RAPGEF1: variants seen among roughly 807,000 people sequenced by gnomAD.
RAPGEF1 encodes the protein CRK SH3-binding GNRP.
RAPGEF1 carries 33 observed loss-of-function variants against 143.3 expected under a neutral mutation model. That is an observed-to-expected ratio of 0.23 (90% CI 0.17 to 0.31). RAPGEF1 has a LOEUF of 0.31. RAPGEF1 is among the 10% of genes least tolerant of loss of function. The pLI is 1.00. For synonymous variants in RAPGEF1, 629 were observed against 676.5 expected, an observed-to-expected ratio of 0.93 and a Z score of 1.09; for missense variants, 1,199 against 1,645.4, an observed-to-expected ratio of 0.73 and a Z score of 4.69.
intron 16 of RAPGEF1, among the ~76,000 whole-genome samples, chr9:131,596,856 G>A (rs1292364477): frequency 2.0e-5 from 3 of 152,180 alleles, no homozygotes; most frequent in South Asian, 2.1e-4. Context: ...ATCTAAATCC[G>A]TCTCCCCAGG....
At chr9:131,630,726 G>C (rs1410933848) in intron 5 of RAPGEF1, among the ~76,000 whole-genome samples, 1 of 152,192 alleles carries the variant, frequency 6.6e-6, no homozygotes. Flanking sequence ...TGGCATGGGT[G>C]GTTTCCCAAG....
In RAPGEF1 at chr9:131,583,932, A is replaced by T. The variant is rs1952275142; in HGVS notation, c.3414+379T>A. On this transcript the variant is annotated intron_variant, in intron 24 of 26. Transcript: ENST00000683357. The surrounding 1 kb of genome is among the most constrained non-coding windows in gnomAD (Gnocchi z 4.7). Reference sequence around the variant, plus strand: ...GTGCTTATCTAGCAGAAACTCACCCAACATCATGTTGGGCTGTTCACAGTG... The same window carrying T: ...GTGCTTATCTAGCAGAAACTCACCCTACATCATGTTGGGCTGTTCACAGTG... Among the ~76,000 whole-genome samples, 1 of 152,162 alleles carries T rather than the reference A, an allele frequency of 6.6e-6. No homozygotes were observed. Among genetic ancestry groups the T allele is most frequent in the African/African-American group, 2.4e-5 (1 of 41,442 alleles).
At chr9:131,723,675 C>T (rs73544930) in intron 1 of RAPGEF1, among the ~76,000 whole-genome samples, 3,711 of 152,266 alleles carry the variant, frequency 0.024, 164 homozygotes, top group African/African-American at 0.084. Flanking sequence ...TCCATTCACC[C>T]ATCAGTGGAC....
chr9:131,622,689 C>A (rs1961533114), intron 10 of RAPGEF1, among the ~76,000 whole-genome samples: 1 of 152,004 alleles, frequency 6.6e-6, no homozygotes, highest in Non-Finnish European at 1.5e-5. Context: ...AAAAGATGCA[C>A]AGGAAGAAAT....
At chr9:131,704,412 C>T (rs1189840995) in intron 1 of RAPGEF1, among the ~76,000 whole-genome samples, 3 of 151,914 alleles carry the variant, frequency 2.0e-5, no homozygotes, top group Non-Finnish European at 4.4e-5. Flanking sequence ...ACCCCCAGCC[C>T]CACCTGGGCC....
chr9:131,699,824 C>G (rs1231437602), intron 1 of RAPGEF1, among the ~76,000 whole-genome samples: 2 of 152,186 alleles, frequency 1.3e-5, no homozygotes, highest in Admixed American at 1.3e-4. Flanking sequence ...TTGGCCCCTG[C>G]TCTTCTCTGA....
At chr9:131,721,552 G>GC (rs1275655417) in intron 1 of RAPGEF1, among the ~76,000 whole-genome samples, 3 of 152,130 alleles carry the variant, frequency 2.0e-5, no homozygotes, top group African/African-American at 7.2e-5. Context: ...AGTGTTCCAG[G>GC]CATCTATTGC....
At chr9:131,739,414 C>T (rs1837610246) in intron 1 of RAPGEF1, among the ~76,000 whole-genome samples, 1 of 152,188 alleles carries the variant, frequency 6.6e-6, no homozygotes, top group Admixed American at 6.5e-5. Flanking sequence ...GGCCGGGCAC[C>T]GATCGCTGCA....
chr9:131,652,789 T>A (rs79402098), intron 1 of RAPGEF1, among the ~76,000 whole-genome samples: 3,236 of 152,304 alleles, frequency 0.021, 103 homozygotes, highest in East Asian at 0.089. Flanking sequence ...AGAAGCATAC[T>A]CTCAAATAAT....
chr9:131,703,773 A>G (rs1003303852), intron 1 of RAPGEF1, among the ~76,000 whole-genome samples: 2 of 152,236 alleles, frequency 1.3e-5, no homozygotes, highest in African/African-American at 2.4e-5. Flanking sequence ...AGCACATATG[A>G]AAGGCAGTGA....
chr9:131,686,666 TC>T (rs2130974752), intron 1 of RAPGEF1, among the ~76,000 whole-genome samples: 1 of 152,330 alleles, frequency 6.6e-6, no homozygotes, highest in African/African-American at 2.4e-5. Flanking sequence ...CATTCACCTC[TC>T]TGTGTTGTAG....
At chr9:131,634,213 T>C (rs1455920509) in intron 5 of RAPGEF1, among the ~76,000 whole-genome samples, 1 of 151,776 alleles carries the variant, frequency 6.6e-6, no homozygotes, top group Non-Finnish European at 1.5e-5. Flanking sequence ...GATTGTGCCG[T>C]TGTTGCACTC....
At position 131,587,835 on chromosome 9, in the gene RAPGEF1, A is replaced by G. The variant is rs2132223372; in HGVS notation, c.3139-5T>C. On this transcript the variant is annotated splice_region_variant and splice_polypyrimidine_tract_variant and intron_variant, in intron 21 of 26. Coordinates refer to ENST00000683357, the MANE Select transcript of RAPGEF1 (RefSeq NM_001377935.1). ...CCAAAGCAAAACCTCAGGAATCTAC[A>G]AAAGGAAAGAAGGCAGATGGAGGTG... 6.2e-7 allele frequency: 1 copy of G among 1,613,000 alleles called. No individual in the cohort carries two copies.
intron 15 of RAPGEF1, 58 bp from the exon 16 acceptor site, chr9:131,598,368 G>A (rs1041988441): frequency 3.5e-6 from 5 of 1,446,848 alleles, no homozygotes; most frequent in African/African-American, 1.4e-5. Context: ...CCCGATGCCT[G>A]GAGGCCAAGG....
intron 12 of RAPGEF1, 66 bp from the exon 13 acceptor site, chr9:131,605,254 G>T (rs1207990703): frequency 8.4e-7 from 1 of 1,188,654 alleles, no homozygotes; most frequent in Non-Finnish European, 1.1e-6. Context: ...AAAGTAATTA[G>T]ATTGGCAGTA....
At chr9:131,687,845 T>C (rs1360646893) in intron 1 of RAPGEF1, among the ~76,000 whole-genome samples, 1 of 152,198 alleles carries the variant, frequency 6.6e-6, no homozygotes, top group Non-Finnish European at 1.5e-5. Flanking sequence ...AAATGGGAAA[T>C]TAACCTGTCA....
At chr9:131,685,507 G>A (rs1465904839) in intron 1 of RAPGEF1, among the ~76,000 whole-genome samples, 1 of 152,224 alleles carries the variant, frequency 6.6e-6, no homozygotes, top group Admixed American at 6.5e-5. Flanking sequence ...ACAATAACAT[G>A]AGCGATCTGT....
At chr9:131,640,954 A>G (rs1967769431) in intron 4 of RAPGEF1, among the ~76,000 whole-genome samples, 1 of 152,204 alleles carries the variant, frequency 6.6e-6, no homozygotes, top group Non-Finnish European at 1.5e-5. Flanking sequence ...TCAAAGGACT[A>G]CCAGAAAACA....
chr9:131,730,532 T>G (rs1836979486), intron 1 of RAPGEF1, among the ~76,000 whole-genome samples: 1 of 150,550 alleles, frequency 6.6e-6, no homozygotes, highest in African/African-American at 2.4e-5. Flanking sequence ...CCATCTCTAC[T>G]AAAAATACAA....
Sources: gnomAD v4.1 joint callset for allele counts (sites outside exome capture counted in the v4.1 genomes callset) on GRCh38, gnomAD v4.1.1 for gene constraint, Gnocchi (gnomAD v3.1) non-coding constraint, MANE v1.5 for transcripts, NCBI Gene and HGNC (gene_info 2026-07-23, HGNC 2026-07-21) for gene names.